The following AIG1 variants were observed in gnomAD, a reference collection of about 807,000 sequenced individuals.
AIG1 encodes androgen induced 1.
Under a neutral mutation model 31.4 loss-of-function variants are expected in AIG1, and 23 were observed. That is an observed-to-expected ratio of 0.73 (90% CI 0.53 to 1.04). AIG1 has a LOEUF of 1.04. AIG1 is among the 50% of genes least tolerant of loss of function. AIG1 has a pLI of 0.00. For missense variants in AIG1, 274 were observed against 295.0 expected, an observed-to-expected ratio of 0.93 and a Z score of 0.52; for synonymous variants, 100 against 110.5, an observed-to-expected ratio of 0.90 and a Z score of 0.60.
intron 3 of AIG1, among the ~76,000 whole-genome samples, chr6:143,201,018 T>A (rs1264479277): frequency 6.6e-6 from 1 of 152,130 alleles, no homozygotes; most frequent in East Asian, 1.9e-4. Context: ...ATTTCCCGTC[T>A]CAGTAAATAT....
chr6:143,333,162 T>C lies in AIG1; in HGVS notation c.516-120T>C. 1 of 1,035,730 alleles carries C rather than the reference T, an allele frequency of 9.7e-7. No individual in the cohort carries two copies. Among genetic ancestry groups the C allele is most frequent in the Non-Finnish European group, 1.3e-6 (1 of 752,784 alleles). The allele number at this position is 1,035,730 out of a possible 1,614,324, so 64.2% of individuals were successfully genotyped here. ...AGCTCCTGAGTATCAGAAGCGAACT[T>C]GAGACTGGCAAATGCTGAAGCATGG... On this transcript the variant is annotated intron_variant, in intron 4 of 5. Transcript: ENST00000357847. This position sits in a 1 kb window ranked among gnomAD's most constrained non-coding sequence, Gnocchi z 4.6.
At chr6:143,220,099 G>T (rs1230737509) in intron 3 of AIG1, among the ~76,000 whole-genome samples, 1 of 151,940 alleles carries the variant, frequency 6.6e-6, no homozygotes, top group Non-Finnish European at 1.5e-5. Context: ...AGGGGGCAGG[G>T]GGCAGGGGGC....
At chr6:143,225,756 G>T (rs1792897982) in intron 3 of AIG1, among the ~76,000 whole-genome samples, 1 of 152,184 alleles carries the variant, frequency 6.6e-6, no homozygotes, top group Non-Finnish European at 1.5e-5. Context: ...GGAAAACACA[G>T]TTTGTCTCAT....
At chr6:143,185,604 A>G (rs1311871159) in intron 3 of AIG1, among the ~76,000 whole-genome samples, 1 of 152,270 alleles carries the variant, frequency 6.6e-6, no homozygotes, top group African/African-American at 2.4e-5. Context: ...CTCTTTATCC[A>G]GCAGGTACCT....
In AIG1 at chr6:143,258,991, TG is replaced by T. The variant is rs1795554709; in HGVS notation, c.400-25114del. 6.6e-6 allele frequency among the ~76,000 whole-genome samples: 1 copy of T among 152,160 alleles called. No homozygotes were observed. Among genetic ancestry groups the T allele is most frequent in the Non-Finnish European group, 1.5e-5 (1 of 68,028 alleles). ...TGGCAAAACCATTTCCAGCAGATGA[TG>T]GGGGCAGAAGACAAAAGGGCAGTGG... On this transcript the variant is annotated intron_variant, in intron 3 of 5. Transcript: ENST00000357847. This position sits in a 1 kb window ranked among gnomAD's most constrained non-coding sequence, Gnocchi z 4.7.
At chr6:143,094,166 T>C (rs1351792275) in intron 1 of AIG1, 1 of 151,544 alleles carries the variant, frequency 6.6e-6, no homozygotes, top group Non-Finnish European at 1.5e-5. Context: ...CTCTATGTGA[T>C]TGATGTCCCC....
intron 2 of AIG1, among the ~76,000 whole-genome samples, chr6:143,164,040 G>A (rs1786679577): frequency 6.6e-6 from 1 of 151,962 alleles, no homozygotes; most frequent in Non-Finnish European, 1.5e-5. Flanking sequence ...TTCTTCCACC[G>A]ACCTACGAAA....
chr6:143,187,675 C>A, intron 3 of AIG1: 2 of 1,536,118 alleles, frequency 1.3e-6, no homozygotes, highest in Non-Finnish European at 1.7e-6. Flanking sequence ...AAACGCCCAT[C>A]TGACTTTGAA....
chr6:143,248,803 A>G (rs1417768551), intron 3 of AIG1, among the ~76,000 whole-genome samples: 3 of 152,218 alleles, frequency 2.0e-5, no homozygotes, highest in African/African-American at 7.2e-5. Context: ...ATGAGCAACC[A>G]TATTTTTAAA....
intron 4 of AIG1, among the ~76,000 whole-genome samples, chr6:143,285,337 C>T (rs1414569621): frequency 2.7e-5 from 4 of 150,534 alleles, no homozygotes; most frequent in African/African-American, 7.3e-5. Flanking sequence ...CCACCGCGTC[C>T]AGCTGGGAGG....
At chr6:143,130,427 A>G (rs1783109031) in intron 1 of AIG1, among the ~76,000 whole-genome samples, 1 of 151,720 alleles carries the variant, frequency 6.6e-6, no homozygotes, top group African/African-American at 2.4e-5. Flanking sequence ...AATAAAAAGA[A>G]CTTTTGGGGC....
intron 3 of AIG1, among the ~76,000 whole-genome samples, chr6:143,234,107 C>T (rs1793644193): frequency 6.6e-6 from 1 of 152,124 alleles, no homozygotes. Context: ...ACAAAGACCC[C>T]CCTAAACACA....
intron 1 of AIG1, among the ~76,000 whole-genome samples, chr6:143,105,778 G>C (rs1254577311): frequency 2.6e-5 from 4 of 152,234 alleles, no homozygotes; most frequent in Non-Finnish European, 5.9e-5. Context: ...TTCAGTGGTA[G>C]TAGTACATGT....
intron 3 of AIG1, among the ~76,000 whole-genome samples, chr6:143,246,335 C>T (rs1026267469): frequency 2.6e-5 from 4 of 151,966 alleles, no homozygotes; most frequent in East Asian, 1.9e-4. Context: ...TCACAATCAT[C>T]GTGGAAGGCA....
intron 3 of AIG1, among the ~76,000 whole-genome samples, chr6:143,276,988 C>T (rs749347527): frequency 6.6e-6 from 1 of 152,138 alleles, no homozygotes; most frequent in African/African-American, 2.4e-5. Flanking sequence ...ACTAATGCTG[C>T]GTTTTCCTGT....
chr6:143,225,770 C>T (rs1044031845), intron 3 of AIG1, among the ~76,000 whole-genome samples: 1 of 152,218 alleles, frequency 6.6e-6, no homozygotes, highest in Non-Finnish European at 1.5e-5. Flanking sequence ...GTCTCATTGA[C>T]TGCCTGTCCC....
chr6:143,227,829 G>A (rs997857471), intron 3 of AIG1, among the ~76,000 whole-genome samples: 1 of 152,140 alleles, frequency 6.6e-6, no homozygotes, highest in Non-Finnish European at 1.5e-5. Context: ...GGCCATCGAA[G>A]GACCGAGCTG....
chr6:143,232,682 G>A (rs545458123), intron 3 of AIG1, among the ~76,000 whole-genome samples: 1 of 152,290 alleles, frequency 6.6e-6, no homozygotes, highest in Non-Finnish European at 1.5e-5. Flanking sequence ...TAATAACTGA[G>A]TTATTTGCTT....
At chr6:143,175,836 C>T (rs1218327233) in intron 3 of AIG1, among the ~76,000 whole-genome samples, 1 of 152,120 alleles carries the variant, frequency 6.6e-6, no homozygotes, top group Non-Finnish European at 1.5e-5. Context: ...GGCTTGGATC[C>T]ATTGCTGGTG....
Sources: gnomAD v4.1 joint callset for allele counts (sites outside exome capture counted in the v4.1 genomes callset) on GRCh38, gnomAD v4.1.1 for gene constraint, Gnocchi (gnomAD v3.1) non-coding constraint, MANE v1.5 for transcripts, NCBI Gene and HGNC (gene_info 2026-07-23, HGNC 2026-07-21) for gene names.